Variants in GALNT15 observed in about 807,000 individuals in gnomAD.
GALNT15 encodes the protein polypeptide N-acetylgalactosaminyltransferase 15, also known as UDP-GalNAc transferase T15.
Under a neutral mutation model 66.8 loss-of-function variants are expected in GALNT15, and 67 were observed. The observed-to-expected ratio is 1.00, with a 90% confidence interval of 0.82 to 1.23. The LOEUF (loss-of-function observed/expected upper bound fraction) is 1.23, where lower values mean the gene tolerates loss of function less well. GALNT15 is among the 50% of genes most tolerant of loss of function. The pLI is 0.00. For synonymous variants in GALNT15, 313 were observed against 311.5 expected (o/e 1.00, Z -0.05); for missense variants, 827 against 804.3 (o/e 1.03, Z -0.34).
the GALNT15 span, among the ~76,000 whole-genome samples, chr3:16,242,427 G>A: frequency 6.6e-6 from 1 of 152,068 alleles, no homozygotes; most frequent in Non-Finnish European, 1.5e-5. The surrounding 1 kb of genome is among the most constrained non-coding windows in gnomAD (Gnocchi z 5.6). Flanking sequence ...GATTAGAGCT[G>A]GAGGTGGAAA....
At chr3:16,178,758 A>G (rs982871351) in intron 1 of GALNT15, among the ~76,000 whole-genome samples, 5 of 152,186 alleles carry the variant, frequency 3.3e-5, no homozygotes, top group Non-Finnish European at 7.3e-5. Context: ...AAACAGGCAT[A>G]TATTAAGTGC....
Position 16,186,987 on chromosome 3 carries a change from C to G in GALNT15, c.540-8773C>G, listed in dbSNP as rs143960566. ...TATTAAAACATTAGTGATTTCAGGCCGGGCGTGGTGGCTCACTCCTGTAAT... is the reference window on the plus strand; with the variant it reads ...TATTAAAACATTAGTGATTTCAGGCGGGGCGTGGTGGCTCACTCCTGTAAT... On this transcript the variant is annotated intron_variant, in intron 1 of 9. Transcript: ENST00000339732. This position sits in a 1 kb window ranked among gnomAD's most constrained non-coding sequence, Gnocchi z 5.1. 1.3e-5 allele frequency among the ~76,000 whole-genome samples: 2 copies of G among 152,050 alleles called. No individual in the cohort carries two copies. The highest frequency in any genetic ancestry group is 2.9e-5 in the Non-Finnish European group (2 of 68,018).
chr3:16,185,805 C>T (rs1465294159), intron 1 of GALNT15, among the ~76,000 whole-genome samples: 2 of 151,860 alleles, frequency 1.3e-5, no homozygotes, highest in African/African-American at 4.8e-5. Context: ...TAGATTATAG[C>T]AATATACTAT....
rs771696015 is a variant in GALNT15 at position 16,227,488 on chromosome 3, G to A, written c.1908G>A (p.Val636=). Residue 636 remains valine, a synonymous_variant, in exon 10 of 10, where the codon GTG becomes GTA. Coordinates refer to ENST00000339732, the MANE Select transcript of GALNT15 (RefSeq NM_054110.5). This position sits in a 1 kb window ranked among gnomAD's most constrained non-coding sequence, Gnocchi z 4.5. ...GGCGTTTTGACCAGATCAATGCTGT[G>A]GATGAACGATGAATGTCAATGTCAG... ...QQWRFDQINA[V]DER The A allele has an allele frequency of 3.7e-6, 6 of 1,614,120 alleles. No individual in the cohort carries two copies. Among genetic ancestry groups the A allele is most frequent in the Non-Finnish European group, 4.2e-6 (5 of 1,180,010 alleles).
In GALNT15 at chr3:16,219,853, G is replaced by A. The variant is rs887360774; in HGVS notation, c.1525-57G>A. On this transcript the variant is annotated intron_variant, in intron 7 of 9. Transcript: ENST00000339732. This position sits in a 1 kb window ranked among gnomAD's most constrained non-coding sequence, Gnocchi z 4.3. ...TACAGCAAAGGAATGGTGTCTGACCGAGGGTGTCTTTACAGTGGAATCTGG... is the reference window on the plus strand; with the variant it reads ...TACAGCAAAGGAATGGTGTCTGACCAAGGGTGTCTTTACAGTGGAATCTGG... The A allele has an allele frequency of 2.4e-5, 33 of 1,366,116 alleles. No homozygotes were observed. The highest frequency in any genetic ancestry group is 1.8e-4 in the Middle Eastern group (1 of 5,590). The allele number at this position is 1,366,116 out of a possible 1,614,324, so 84.6% of individuals were successfully genotyped here. A position where few individuals can be genotyped will look rare whatever the true frequency, so the allele number is the denominator to read the frequency against.
At position 16,199,591 on chromosome 3, in the gene GALNT15, C is replaced by A. The variant is rs2063676830; in HGVS notation, c.707-1028C>A. Reference sequence around the variant, plus strand: ...CATTTGATTTTTTTGAGGGTGTACTCTCAGGGGAAATCTGTAGGGGAGTGA... The same window carrying A: ...CATTTGATTTTTTTGAGGGTGTACTATCAGGGGAAATCTGTAGGGGAGTGA... On this transcript the variant is annotated intron_variant, in intron 2 of 9. Transcript: ENST00000339732. Among the ~76,000 whole-genome samples the A allele has an allele frequency of 1.5e-5, 2 of 130,312 alleles. 1 individual carries two copies. The highest frequency in any genetic ancestry group is 4.7e-4 in the South Asian group (2 of 4,242). The allele number at this position is 130,312 out of a possible 152,430, so 85.5% of individuals were successfully genotyped here.
chr3:16,216,501 G>GAAAA (rs11377669), intron 6 of GALNT15, among the ~76,000 whole-genome samples: 3 of 144,146 alleles, frequency 2.1e-5, no homozygotes, highest in East Asian at 2.1e-4. Context: ...TCTGTCTCGG[G>GAAAA]AAAAAAAAAA....
intron 3 of GALNT15, 85 bp from the exon 4 acceptor site, chr3:16,208,418 T>A: frequency 7.1e-7 from 1 of 1,416,126 alleles, no homozygotes. Context: ...GTAGCCACCA[T>A]ACTGGGCAGC....
chr3:16,231,066 TCTCA>T (rs2064076866), downstream of GALNT15, among the ~76,000 whole-genome samples: 1 of 145,304 alleles, frequency 6.9e-6, no homozygotes, highest in African/African-American at 2.6e-5. The surrounding 1 kb of genome is among the most constrained non-coding windows in gnomAD (Gnocchi z 4.1). Context: ...CACCACATGT[TCTCA>T]CTCATACATG....
chr3:16,206,671 TA>T (rs1170870767), intron 3 of GALNT15, among the ~76,000 whole-genome samples: 1,567 of 60,016 alleles, frequency 0.026, 13 homozygotes, highest in African/African-American at 0.064. Flanking sequence ...AGACTCTGTC[TA>T]AAAAAAAAAA....
chr3:16,220,378 TGAA>T (rs1372889306), intron 8 of GALNT15: 4 of 258,114 alleles, frequency 1.5e-5, no homozygotes, highest in South Asian at 1.2e-4. Flanking sequence ...GTCCCAGGAC[TGAA>T]GAAGAAGGTA....
rs2064038875 is a variant in GALNT15 at position 16,227,728 on chromosome 3, T to C, written c.*228T>C. 2.9e-6 allele frequency: 4 copies of C among 1,371,358 alleles called. No individual in the cohort carries two copies. The highest frequency in any genetic ancestry group is 2.9e-5 in the African/African-American group (2 of 68,100). 84.9% of individuals were successfully genotyped at this position (1,371,358 alleles called of 1,614,324 possible). A position where few individuals can be genotyped will look rare whatever the true frequency, so the allele number is the denominator to read the frequency against. On this transcript the variant is annotated 3_prime_UTR_variant, in exon 10 of 10. Coordinates refer to ENST00000339732, the MANE Select transcript of GALNT15 (RefSeq NM_054110.5). The surrounding 1 kb of genome is among the most constrained non-coding windows in gnomAD (Gnocchi z 4.5). ...AAAAAAAGGATCCATTGTACCGTTG[T>C]CTTCATCACTGGGAAATGATTATTA... is the stretch of plus-strand genomic sequence containing the variant.
At chr3:16,243,975 C>G in the GALNT15 span, 1 of 984,768 alleles carries the variant, frequency 1.0e-6, no homozygotes, top group Non-Finnish European at 1.2e-6. Context: ...CCAGTCAGAC[C>G]TGGGGGTTGA....
At chr3:16,208,718 A>C in intron 4 of GALNT15, 48 bp downstream of exon 4, 1 of 1,569,276 alleles carries the variant, frequency 6.4e-7, no homozygotes, top group Non-Finnish European at 8.7e-7. Context: ...CTCAGGATGG[A>C]CTCTGCAGCC....
chr3:16,175,707 T>C lies in GALNT15; in HGVS notation c.539+17T>C, dbSNP rs1418847608. ...GCACCCACTGTAAGTAAGGCCCTTG[T>C]TTTCCCTTCCCTGATCCCAGGGCAT... On this transcript the variant is annotated intron_variant, in intron 1 of 9. Coordinates refer to ENST00000339732, the MANE Select transcript of GALNT15 (RefSeq NM_054110.5). This position sits in a 1 kb window ranked among gnomAD's most constrained non-coding sequence, Gnocchi z 5.6. The C allele has an allele frequency of 1.2e-5, 19 of 1,545,098 alleles. No individual in the cohort carries two copies. The highest frequency in any genetic ancestry group is 1.5e-5 in the Non-Finnish European group (17 of 1,146,822).
intron 1 of GALNT15, among the ~76,000 whole-genome samples, chr3:16,194,111 A>C (rs2063607720): frequency 6.6e-6 from 1 of 152,194 alleles, no homozygotes; most frequent in African/African-American, 2.4e-5. Flanking sequence ...CAGCGCTGCC[A>C]CTTGCCAGCA....
At chr3:16,246,825 T>G in the GALNT15 span, among the ~76,000 whole-genome samples, 8 of 152,300 alleles carry the variant, frequency 5.3e-5, no homozygotes, top group East Asian at 9.6e-4. Context: ...ATTACAGGAA[T>G]AAAATATTTT....
At chr3:16,201,541 C>A (rs2063703945) in intron 3 of GALNT15, among the ~76,000 whole-genome samples, 1 of 152,182 alleles carries the variant, frequency 6.6e-6, no homozygotes, top group Non-Finnish European at 1.5e-5. Context: ...CTCTGAACTA[C>A]ACTAGGCCGT....
the GALNT15 span, among the ~76,000 whole-genome samples, chr3:16,244,308 C>G: frequency 1.3e-5 from 2 of 152,210 alleles, no homozygotes; most frequent in East Asian, 3.8e-4. Flanking sequence ...ATGGTGACAG[C>G]TCAGATAACA....
Sources: allele counts gnomAD v4.1 joint callset (sites outside exome capture counted in the v4.1 genomes callset), GRCh38; gene constraint gnomAD v4.1.1; non-coding constraint Gnocchi (gnomAD v3.1); transcripts MANE v1.5; gene names NCBI Gene and HGNC (gene_info 2026-07-23, HGNC 2026-07-21).